The following SEH1L variants were observed in gnomAD, a reference collection of about 807,000 sequenced individuals.
The protein encoded by SEH1L is SEH1 like nucleoporin, also known as nucleoporin SEH1.
In SEH1L, 18 loss-of-function variants were observed where a neutral mutation model predicts 49.5. The observed-to-expected ratio is 0.36, with a 90% CI of 0.25 to 0.54. SEH1L has a LOEUF of 0.54. Ranked by LOEUF, SEH1L falls within the 20% of genes least tolerant of loss-of-function variation. The probability of loss-of-function intolerance (pLI) is 0.87; values close to 1 mark genes in which losing one functional copy is unlikely to be tolerated. For missense variants in SEH1L, 404 were observed against 528.8 expected, an observed-to-expected ratio of 0.76 and a Z score of 2.31; for synonymous variants, 169 against 178.1, an observed-to-expected ratio of 0.95 and a Z score of 0.41.
chr18:12,956,558 A>C (rs2030875518), intron 3 of SEH1L, among the ~76,000 whole-genome samples: 1 of 148,066 alleles, frequency 6.8e-6, no homozygotes, highest in African/African-American at 2.5e-5. Flanking sequence ...CAGGAAACAG[A>C]ATATAGTTTT....
rs778992154 is a variant in SEH1L at position 12,951,805 on chromosome 18, C to A, written c.112-50C>A. ...TGATTCAGTCTTATAGTTTTTGTAT[C>A]AATTTGTAGGAATTTTTGTATAAAA... On this transcript the variant is annotated intron_variant, in intron 1 of 8. Coordinates refer to ENST00000399892, the MANE Select transcript of SEH1L (RefSeq NM_001013437.2). 3.6e-6 allele frequency: 4 copies of A among 1,125,898 alleles called. No homozygotes were observed. The Admixed American group carries it at 8.1e-5, about 23-fold the overall frequency. 69.7% of individuals were successfully genotyped at this position (1,125,898 alleles called of 1,614,324 possible).
chr18:12,951,807 A>C, intron 1 of SEH1L, 48 bp from the exon 2 acceptor site: 1 of 1,157,578 alleles, frequency 8.6e-7, no homozygotes, highest in Non-Finnish European at 1.3e-6. Context: ...TTTTGTATCA[A>C]TTTGTAGGAA....
intron 2 of SEH1L, among the ~76,000 whole-genome samples, chr18:12,955,219 G>A (rs1376815152): frequency 6.6e-6 from 1 of 150,620 alleles, no homozygotes; most frequent in Non-Finnish European, 1.5e-5. Flanking sequence ...AATGTCAGAA[G>A]AACTGGACTT....
At chr18:12,977,428 A>G (rs2031971485) in intron 5 of SEH1L, 1 of 152,234 alleles carries the variant, frequency 6.6e-6, no homozygotes, top group African/African-American at 2.4e-5. Flanking sequence ...TTTTATTATC[A>G]CTTAACTCAA....
At chr18:12,949,579 A>C (rs1200400040) in intron 1 of SEH1L, among the ~76,000 whole-genome samples, 1 of 148,416 alleles carries the variant, frequency 6.7e-6, no homozygotes, top group South Asian at 2.1e-4. Context: ...CAGCCTCCCA[A>C]GTAGCTGGGA....
chr18:12,951,671 A>G (rs185294147), intron 1 of SEH1L, among the ~76,000 whole-genome samples, 184 bp from the exon 2 acceptor site: 1 of 152,366 alleles, frequency 6.6e-6, no homozygotes, highest in African/African-American at 2.4e-5. Flanking sequence ...GATTACAGGC[A>G]TGAGCCATCG....
intron 2 of SEH1L, among the ~76,000 whole-genome samples, chr18:12,952,441 C>T (rs1211614821): frequency 6.6e-6 from 1 of 152,028 alleles, no homozygotes; most frequent in African/African-American, 2.4e-5. Context: ...CCATGTTGGC[C>T]AGGCTGGTCT....
chr18:12,981,160 G>A (rs1568230204), intron 6 of SEH1L, among the ~76,000 whole-genome samples: 1 of 151,970 alleles, frequency 6.6e-6, no homozygotes, highest in Non-Finnish European at 1.5e-5. Context: ...GCCGGGCAGA[G>A]ACGCTCCTCA....
At chr18:12,980,491 G>T in intron 6 of SEH1L, among the ~76,000 whole-genome samples, 1 of 64,938 alleles carries the variant, frequency 1.5e-5, no homozygotes, top group African/African-American at 7.6e-5. Flanking sequence ...CCTCCCTCCC[G>T]GACGGGGCGG....
rs2030388721 is a variant in SEH1L, at chr18:12,949,652, ACCATGTTAG to A, written c.111+1424_111+1432del. On this transcript the variant is annotated intron_variant, in intron 1 of 8. Coordinates refer to ENST00000399892, the MANE Select transcript of SEH1L (RefSeq NM_001013437.2). ...TATTTTTTAGTAGAGACAGGGTTTC[ACCATGTTAG>A]CCAGGATGGTCTCTATCTCCTGACC... is the stretch of plus-strand genomic sequence containing the variant. Among the ~76,000 whole-genome samples the A allele has an allele frequency of 2.0e-5, 3 of 151,752 alleles. No individual in the cohort carries two copies. The South Asian group carries it at 6.2e-4, about 32-fold the overall frequency.
At chr18:12,951,077 T>G (rs9965936) in intron 1 of SEH1L, among the ~76,000 whole-genome samples, 8,363 of 152,262 alleles carry the variant, frequency 0.055, 748 homozygotes, top group African/African-American at 0.19. Flanking sequence ...CTCTGAAATT[T>G]ACTTGTACCC....
chr18:12,971,180 C>T lies in SEH1L; in HGVS notation c.549C>T (p.Ala183=), dbSNP rs138459666. The T allele has an allele frequency of 2.1e-3, 3,312 of 1,613,554 alleles. 74 individuals are homozygous for T. In the East Asian group the frequency reaches 0.045, roughly 22 times the overall value. Residue 183 remains alanine (A), a synonymous_variant, in exon 5 of 9, where the codon GCC becomes GCT. Transcript: ENST00000399892. The part of the protein sequence containing the change: ...SSSRAHSPMI[A]VGSDDSSPNA... ...CTCGTGCTCATTCCCCCATGATCGC[C>T]GTAGGAAGTGATGACAGTAGCCCCA...
chr18:12,973,304 C>A (rs2031778466), intron 5 of SEH1L: 1 of 144,654 alleles, frequency 6.9e-6, no homozygotes, highest in Non-Finnish European at 1.5e-5. Flanking sequence ...ATAGAAATTA[C>A]CTATTTTTTT....
chr18:12,982,984 C>T (rs2032331615), intron 7 of SEH1L: 2 of 176,208 alleles, frequency 1.1e-5, no homozygotes, highest in South Asian at 3.1e-4. Context: ...CAAACTCAGG[C>T]TAGGACTGTA....
At chr18:12,965,509 C>G (rs2031409907) in intron 4 of SEH1L, among the ~76,000 whole-genome samples, 1 of 152,176 alleles carries the variant, frequency 6.6e-6, no homozygotes, top group Non-Finnish European at 1.5e-5. Flanking sequence ...GGATGGCAAA[C>G]TCTTCAAATA....
At chr18:12,957,547 A>G (rs569850827) in intron 3 of SEH1L, among the ~76,000 whole-genome samples, 48 of 152,212 alleles carry the variant, frequency 3.2e-4, no homozygotes, top group Non-Finnish European at 6.8e-4. Flanking sequence ...GAAGTTCCTC[A>G]TCTATAAAGT....
chr18:12,958,447 A>AGG (rs1285626570), intron 3 of SEH1L, among the ~76,000 whole-genome samples: 1 of 152,140 alleles, frequency 6.6e-6, no homozygotes, highest in Non-Finnish European at 1.5e-5. Flanking sequence ...AGTGCTGTGT[A>AGG]CCCATCACTG....
At chr18:12,972,218 C>G (rs941707225) in intron 5 of SEH1L, 2 of 152,098 alleles carry the variant, frequency 1.3e-5, no homozygotes, top group African/African-American at 4.8e-5. Flanking sequence ...GAAGTGGTAT[C>G]AATAGGATCT....
chr18:12,985,422 A>G (rs1302648479), intron 8 of SEH1L: 3 of 1,339,478 alleles, frequency 2.2e-6, no homozygotes, highest in Non-Finnish European at 1.9e-6. Context: ...AATACAGTGT[A>G]TATTTTTTGT....
Sources: allele counts gnomAD v4.1 joint callset (sites outside exome capture counted in the v4.1 genomes callset), GRCh38; gene constraint gnomAD v4.1.1; transcripts MANE v1.5; gene names NCBI Gene and HGNC (gene_info 2026-07-23, HGNC 2026-07-21).